The following MCHR2 variants were observed in gnomAD, a reference collection of about 807,000 sequenced individuals.
The protein encoded by MCHR2 is melanin-concentrating hormone receptor 2.
In MCHR2, 15 loss-of-function variants were observed where a neutral mutation model predicts 24.8. That is an observed-to-expected ratio of 0.60 (90% CI 0.40 to 0.93). The LOEUF (loss-of-function observed/expected upper bound fraction) is 0.93. Among genes scored for constraint, MCHR2 ranks in the 40% least tolerant of loss-of-function variants. MCHR2 has a pLI of 0.00. For synonymous variants in MCHR2, 151 were observed against 147.6 expected, an observed-to-expected ratio of 1.02 and a Z score of -0.17; for missense variants, 386 against 408.7, an observed-to-expected ratio of 0.94 and a Z score of 0.48.
chr6:99,992,348 A>G (rs1434053858), intron 1 of MCHR2, among the ~76,000 whole-genome samples: 2 of 152,232 alleles, frequency 1.3e-5, no homozygotes, highest in African/African-American at 4.8e-5. Flanking sequence ...GGGGTCTGGT[A>G]GGATAATTGC....
chr6:99,947,723 T>C, intron 3 of MCHR2, 39 bp downstream of exon 3: 1 of 1,591,368 alleles, frequency 6.3e-7, no homozygotes, highest in East Asian at 2.2e-5. Context: ...CACAGGCACC[T>C]CTGAATTATA....
chr6:99,978,225 T>C (rs979488789), intron 1 of MCHR2, among the ~76,000 whole-genome samples: 29 of 152,114 alleles, frequency 1.9e-4, no homozygotes, highest in African/African-American at 6.3e-4. Context: ...TAACTGAGAA[T>C]GTAGACTTTC....
At chr6:99,925,276 C>G (rs866482522) in intron 5 of MCHR2, among the ~76,000 whole-genome samples, 2 of 151,096 alleles carry the variant, frequency 1.3e-5, no homozygotes, top group African/African-American at 4.9e-5. Flanking sequence ...TTTTTTCAGT[C>G]TATGTGTGTC....
chr6:99,971,797 T>C (rs903407363), intron 1 of MCHR2, among the ~76,000 whole-genome samples: 2 of 152,226 alleles, frequency 1.3e-5, no homozygotes, highest in African/African-American at 2.4e-5. Context: ...TCAAAGGCCT[T>C]TTCTGCATCT....
intron 1 of MCHR2, among the ~76,000 whole-genome samples, chr6:99,957,088 T>C (rs1201463936): frequency 2.0e-5 from 3 of 152,124 alleles, no homozygotes; most frequent in Non-Finnish European, 4.4e-5. Flanking sequence ...AGTGGAATAC[T>C]GAAGCACCAA....
At chr6:99,963,133 A>C (rs1327712997) in intron 1 of MCHR2, among the ~76,000 whole-genome samples, 3 of 152,030 alleles carry the variant, frequency 2.0e-5, no homozygotes, top group Non-Finnish European at 4.4e-5. Context: ...AAAACAAAAA[A>C]CCCAGAAAAC....
At chr6:99,950,588 A>C (rs1774947623) in intron 2 of MCHR2, among the ~76,000 whole-genome samples, 1 of 152,130 alleles carries the variant, frequency 6.6e-6, no homozygotes, top group Non-Finnish European at 1.5e-5. Flanking sequence ...AAGAATATTT[A>C]ATCAGATGAG....
chr6:99,932,267 G>T (rs1207933170), intron 5 of MCHR2, among the ~76,000 whole-genome samples: 1 of 152,158 alleles, frequency 6.6e-6, no homozygotes, highest in Non-Finnish European at 1.5e-5. Context: ...ATGACTCAAT[G>T]TGTGAAAGAA....
At chr6:99,991,817 A>AAAAAAG (rs1775886137) in intron 1 of MCHR2, among the ~76,000 whole-genome samples, 2 of 151,266 alleles carry the variant, frequency 1.3e-5, no homozygotes, top group Admixed American at 1.3e-4. Context: ...TCAAAAAAAA[A>AAAAAAG]AAAAAAAAAG....
rs147786554 is a variant in MCHR2 at position 99,934,668 on chromosome 6, G to C, written c.588-151C>G. On this transcript the variant is annotated intron_variant, in intron 4 of 5. Transcript: ENST00000281806. ...CCTTGTGGAAAAGCTCAAGATCTTTGGTTGCTTTATTGTAGAGAAGCCCTG... is the reference window on the plus strand; with the variant it reads ...CCTTGTGGAAAAGCTCAAGATCTTTCGTTGCTTTATTGTAGAGAAGCCCTG... 2.1e-3 allele frequency: 1,410 copies of C among 672,014 alleles called. 18 individuals carry two copies. In the African/African-American group the frequency reaches 0.025, roughly 12 times the overall value. The allele number at this position is 672,014 out of a possible 1,614,324, so 41.6% of individuals were successfully genotyped here. A position where few individuals can be genotyped will look rare whatever the true frequency, so the allele number is the denominator to read the frequency against.
chr6:99,953,408 G>A (rs1031101300), intron 2 of MCHR2, among the ~76,000 whole-genome samples: 2 of 152,124 alleles, frequency 1.3e-5, no homozygotes, highest in African/African-American at 4.8e-5. Context: ...CCATGAGGGA[G>A]AGATGGAAGG....
At chr6:99,964,894 C>T (rs758919906) in intron 1 of MCHR2, among the ~76,000 whole-genome samples, 10 of 152,006 alleles carry the variant, frequency 6.6e-5, no homozygotes, top group Admixed American at 1.3e-4. Context: ...AGCAGAAATT[C>T]ATATGTATGA....
chr6:99,991,685 T>C (rs1775878858), intron 1 of MCHR2, among the ~76,000 whole-genome samples: 1 of 151,578 alleles, frequency 6.6e-6, no homozygotes, highest in South Asian at 2.1e-4. Flanking sequence ...TGGGCGCCTG[T>C]AGTCCCAGCT....
At chr6:99,965,454 G>A (rs1010666518) in intron 1 of MCHR2, among the ~76,000 whole-genome samples, 5 of 152,084 alleles carry the variant, frequency 3.3e-5, no homozygotes, top group South Asian at 2.1e-4. Flanking sequence ...GAGGAAATTC[G>A]TATAGAGAAA....
intron 1 of MCHR2, among the ~76,000 whole-genome samples, chr6:99,971,903 G>T (rs950610297): frequency 2.6e-5 from 4 of 152,210 alleles, no homozygotes; most frequent in African/African-American, 9.6e-5. Context: ...GCATCCCAGG[G>T]ATGAAGCCCA....
At chr6:99,930,733 C>T (rs1774502104) in intron 5 of MCHR2, among the ~76,000 whole-genome samples, 1 of 152,166 alleles carries the variant, frequency 6.6e-6, no homozygotes, top group African/African-American at 2.4e-5. Flanking sequence ...TCTAGTTATG[C>T]ATTCGTCTAA....
Position 99,994,084 on chromosome 6 carries a change from T to G in MCHR2, c.-176A>C, listed in dbSNP as rs1480878970. 6.6e-6 allele frequency: 1 copy of G among 152,366 alleles called. No individual in the cohort carries two copies. Among genetic ancestry groups the G allele is most frequent in the Admixed American group, 6.5e-5 (1 of 15,280 alleles). 9.4% of individuals were successfully genotyped at this position (152,366 alleles called of 1,614,324 possible). A position where few individuals can be genotyped will look rare whatever the true frequency, so the allele number is the denominator to read the frequency against. On this transcript the variant is annotated 5_prime_UTR_variant, in exon 1 of 6. Coordinates refer to ENST00000281806, the MANE Select transcript of MCHR2 (RefSeq NM_001040179.2). Reference sequence around the variant, plus strand: ...AAGGTGGGGGAGGAGTGCGAGGGTCTCTGAGACAGGTTGGGAGCCAGCCCC... The same window carrying G: ...AAGGTGGGGGAGGAGTGCGAGGGTCGCTGAGACAGGTTGGGAGCCAGCCCC...
At chr6:99,969,527 T>G (rs1349483307) in intron 1 of MCHR2, among the ~76,000 whole-genome samples, 4 of 151,136 alleles carry the variant, frequency 2.6e-5, no homozygotes, top group African/African-American at 9.7e-5. Context: ...GCCTGTTGTA[T>G]TTAGGCATAT....
intron 1 of MCHR2, among the ~76,000 whole-genome samples, chr6:99,982,121 T>G (rs932595084): frequency 6.6e-6 from 1 of 151,944 alleles, no homozygotes; most frequent in African/African-American, 2.4e-5. Flanking sequence ...GAACATCGGG[T>G]TTTCCTCCTC....
Sources: allele counts gnomAD v4.1 joint callset (sites outside exome capture counted in the v4.1 genomes callset), GRCh38; gene constraint gnomAD v4.1.1; transcripts MANE v1.5; gene names NCBI Gene and HGNC (gene_info 2026-07-23, HGNC 2026-07-21).